STON1: variants seen among roughly 807,000 people sequenced by gnomAD.
STON1 encodes the protein stonin 1, also known as stonin-1.
A neutral mutation model predicts 60.9 loss-of-function variants in STON1; 79 were observed. The observed-to-expected ratio is 1.30, with a 90% CI of 1.08 to 1.56. The LOEUF is 1.56. Among genes scored for constraint, STON1 ranks in the 40% most tolerant of loss-of-function variants. The pLI, the probability that STON1 is intolerant of heterozygous loss-of-function variation, is 0.00. For synonymous variants in STON1, 363 were observed against 306.9 expected, an observed-to-expected ratio of 1.18 and a Z score of -1.91; for missense variants, 1,166 against 858.9, an observed-to-expected ratio of 1.36 and a Z score of -4.47.
rs968420283 is a variant in STON1, at chr2:48,596,821, G to A, written c.*1519G>A. ...AAGGCAAAGAATGCAATAGGTGATG[G>A]TTGGTTGAAAGGAATTGTTATTGCT... is the stretch of plus-strand genomic sequence containing the variant. On this transcript the variant is annotated 3_prime_UTR_variant, in exon 4 of 4. Transcript: ENST00000404752. The A allele has an allele frequency of 4.9e-4, 75 of 152,192 alleles. No individual in the cohort carries two copies. The highest frequency in any genetic ancestry group is 1.8e-3 in the African/African-American group (73 of 41,532). The allele number at this position is 152,192 out of a possible 1,614,324, so 9.4% of individuals were successfully genotyped here.
At chr2:48,571,826 A>T (rs976820621) in intron 1 of STON1, among the ~76,000 whole-genome samples, 1 of 152,204 alleles carries the variant, frequency 6.6e-6, no homozygotes, top group African/African-American at 2.4e-5. Flanking sequence ...GAAGTCATAT[A>T]GAAGGATCAG....
intron 1 of STON1, among the ~76,000 whole-genome samples, chr2:48,574,086 T>C (rs891885628): frequency 1.3e-5 from 2 of 152,012 alleles, no homozygotes; most frequent in Non-Finnish European, 2.9e-5. Context: ...AAGAATGTTG[T>C]GGAATTTGGC....
intron 2 of STON1, among the ~76,000 whole-genome samples, chr2:48,583,765 T>C (rs866960963): frequency 3.4e-4 from 52 of 151,340 alleles, no homozygotes; most frequent in African/African-American, 1.2e-3. Flanking sequence ...TTTTTTTTTT[T>C]TTTTTGAGAT....
chr2:48,540,750 G>T (rs1448869739), intron 1 of STON1, among the ~76,000 whole-genome samples: 1 of 152,198 alleles, frequency 6.6e-6, no homozygotes, highest in Non-Finnish European at 1.5e-5. Context: ...TCAGACTTGT[G>T]ACTGGCATGT....
intron 1 of STON1, among the ~76,000 whole-genome samples, chr2:48,564,234 A>G (rs1219815545): frequency 6.6e-6 from 1 of 152,206 alleles, no homozygotes; most frequent in African/African-American, 2.4e-5. Context: ...ACCATAGACC[A>G]GGTGGCTTAT....
At chr2:48,551,751 T>G (rs956363019) in intron 1 of STON1, among the ~76,000 whole-genome samples, 3 of 152,170 alleles carry the variant, frequency 2.0e-5, no homozygotes, top group African/African-American at 7.2e-5. Context: ...AAGTGTCAGG[T>G]ACATTTACCA....
chr2:48,562,303 G>A (rs1190642710), intron 1 of STON1, among the ~76,000 whole-genome samples: 1 of 152,148 alleles, frequency 6.6e-6, no homozygotes, highest in Non-Finnish European at 1.5e-5. Context: ...ATATTCTGTT[G>A]TTTGAGAATG....
chr2:48,530,399 C>T, intron 1 of STON1, 183 bp downstream of exon 1: 1 of 238,126 alleles, frequency 4.2e-6, no homozygotes, highest in Non-Finnish European at 8.2e-6. Flanking sequence ...GCCCTGGGGC[C>T]CGCAGAGGGA....
intron 1 of STON1, among the ~76,000 whole-genome samples, chr2:48,575,768 T>G (rs1451708289): frequency 1.4e-5 from 2 of 147,568 alleles, no homozygotes; most frequent in African/African-American, 4.9e-5. Context: ...TGTTTTTTTT[T>G]TTTTTTTGAG....
chr2:48,577,865 CT>C (rs1338093942), intron 1 of STON1, among the ~76,000 whole-genome samples: 14 of 151,728 alleles, frequency 9.2e-5, no homozygotes, highest in Admixed American at 9.2e-4. Context: ...ATCCGTCCAC[CT>C]CGGCCTCCCA....
At chr2:48,576,668 G>C (rs1178221305) in intron 1 of STON1, among the ~76,000 whole-genome samples, 3 of 152,060 alleles carry the variant, frequency 2.0e-5, no homozygotes, top group Admixed American at 1.3e-4. Flanking sequence ...GTTTATTCAA[G>C]TACTTTGCCA....
At position 48,535,442 on chromosome 2, in the gene STON1, A is replaced by T. The variant is rs1346336679; in HGVS notation, c.-48+5226A>T. ...CTACCATGTCCCCTCACAGGCAAGC[A>T]GCTCCTGGGATCACTCATCCATTCT... On this transcript the variant is annotated intron_variant, in intron 1 of 3. Coordinates refer to ENST00000404752, the MANE Select transcript of STON1 (RefSeq NM_006873.4). Among the ~76,000 whole-genome samples, 17 of 152,268 alleles carry T rather than the reference A, an allele frequency of 1.1e-4. No homozygotes were observed. The East Asian group carries it at 3.3e-3, about 29-fold the overall frequency.
chr2:48,586,723 C>CG (rs1674228940), intron 2 of STON1, among the ~76,000 whole-genome samples: 1 of 152,140 alleles, frequency 6.6e-6, no homozygotes, highest in African/African-American at 2.4e-5. Context: ...GGGTTGTTTT[C>CG]GGCATGACTG....
chr2:48,540,068 C>G (rs1190934984), intron 1 of STON1, among the ~76,000 whole-genome samples: 2 of 152,180 alleles, frequency 1.3e-5, no homozygotes, highest in East Asian at 3.8e-4. Context: ...GTGGATTTCT[C>G]TATGAGCCCC....
At chr2:48,584,141 C>T (rs1674064230) in intron 2 of STON1, among the ~76,000 whole-genome samples, 1 of 152,156 alleles carries the variant, frequency 6.6e-6, no homozygotes, top group South Asian at 2.1e-4. Context: ...ATCCCTGTTT[C>T]CAGATGGCTC....
At chr2:48,586,507 A>T (rs1016344041) in intron 2 of STON1, among the ~76,000 whole-genome samples, 3 of 152,184 alleles carry the variant, frequency 2.0e-5, no homozygotes, top group African/African-American at 7.2e-5. Context: ...CTGCCTGGGG[A>T]CTAGGGAGGG....
intron 1 of STON1, among the ~76,000 whole-genome samples, chr2:48,566,827 G>T (rs929921849): frequency 1.3e-5 from 2 of 152,172 alleles, no homozygotes; most frequent in Non-Finnish European, 2.9e-5. Context: ...TTTAAGAGGG[G>T]CTGGTGTTGT....
In STON1 at chr2:48,591,694, G is replaced by A. The variant is rs1290100139; in HGVS notation, c.1972G>A (p.Gly658Arg). Residue 658 changes from glycine to arginine, a missense_variant, in exon 3 of 4, where the codon GGA (glycine) becomes AGA (arginine). Physicochemically the swap from Gly to Arg is moderately radical, Grantham distance 125. Transcript: ENST00000404752. ...PHCLSYKLEL[G>R]SDQEIPSDWY... is the part of the protein sequence containing the mutation. ...TTGTCTGTCATACAAATTAGAGCTT[G>A]GATCAGACCAAGAAATTCCCTCTGA... 3 of 1,614,064 alleles carry A rather than the reference G, an allele frequency of 1.9e-6. No homozygotes were observed. Among genetic ancestry groups the A allele is most frequent in the Admixed American group, 1.7e-5 (1 of 60,010 alleles).
At chr2:48,568,295 A>G (rs933267524) in intron 1 of STON1, among the ~76,000 whole-genome samples, 1 of 152,200 alleles carries the variant, frequency 6.6e-6, no homozygotes, top group Non-Finnish European at 1.5e-5. Flanking sequence ...CCACAGATGC[A>G]TACTGAAGTG....
Sources: gnomAD v4.1 joint callset for allele counts (sites outside exome capture counted in the v4.1 genomes callset) on GRCh38, gnomAD v4.1.1 for gene constraint, MANE v1.5 for transcripts, NCBI Gene and HGNC (gene_info 2026-07-23, HGNC 2026-07-21) for gene names.